Variants in GLI2 observed in about 807,000 individuals in gnomAD.
The protein encoded by GLI2 is transcription activator GLI2.
Under a neutral mutation model 78.9 loss-of-function variants are expected in GLI2, and 22 were observed. That is an observed-to-expected ratio of 0.28 (90% CI 0.20 to 0.40). The LOEUF (loss-of-function observed/expected upper bound fraction) is 0.40. Ranked by LOEUF, GLI2 falls within the 10% of genes least tolerant of loss-of-function variation. The probability of loss-of-function intolerance (pLI) is 1.00; values close to 1 mark genes in which losing one functional copy is unlikely to be tolerated. For missense variants in GLI2, 2,097 were observed against 2,213.2 expected (o/e 0.95, Z 1.05); for synonymous variants, 974 against 963.7 (o/e 1.01, Z -0.20).
At chr2:120,921,629 C>T (rs1679384830) in intron 2 of GLI2, among the ~76,000 whole-genome samples, 1 of 152,206 alleles carries the variant, frequency 6.6e-6, no homozygotes, top group Non-Finnish European at 1.5e-5. Context: ...CCCATGGCCA[C>T]CTAGCGGCAG....
rs115783898 is a variant in GLI2 at position 120,932,987 on chromosome 2, G to A, written c.254+5521G>A. ...TTTTGGCAACCAGGAGCAGCGGGGA[G>A]TGGTCAGATTTATTTTCAGGCAGCT... On this transcript the variant is annotated intron_variant, in intron 3 of 13. Transcript: ENST00000361492. Among the ~76,000 whole-genome samples the A allele has an allele frequency of 9.1e-3, 1,385 of 152,258 alleles. 22 individuals are homozygous for A. The highest frequency in any genetic ancestry group is 0.032 in the African/African-American group (1,326 of 41,536).
chr2:120,984,796 A>G, intron 12 of GLI2, 53 bp downstream of exon 12: 1 of 1,590,300 alleles, frequency 6.3e-7, no homozygotes, highest in East Asian at 2.2e-5. Flanking sequence ...AGCCGTGCCC[A>G]GGGCCACCCC....
chr2:120,826,036 G>C (rs939899565), intron 2 of GLI2, among the ~76,000 whole-genome samples: 4 of 152,232 alleles, frequency 2.6e-5, no homozygotes, highest in African/African-American at 9.6e-5. Context: ...GAGGCTGCCT[G>C]GTGACGGCCG....
At chr2:120,830,932 C>T (rs1686328050) in intron 2 of GLI2, among the ~76,000 whole-genome samples, 2 of 151,042 alleles carry the variant, frequency 1.3e-5, no homozygotes, top group Admixed American at 6.6e-5. Flanking sequence ...GTCTCTGTGT[C>T]TTCTGTCTCT....
rs759061834 is a variant in GLI2, at chr2:120,988,631, C to T, written c.2666C>T (p.Pro889Leu). 195 of 1,451,346 alleles carry T rather than the reference C, an allele frequency of 1.3e-4. No homozygotes were observed. Among genetic ancestry groups the T allele is most frequent in the Non-Finnish European group, 1.5e-4 (164 of 1,107,402 alleles). The allele number at this position is 1,451,346 out of a possible 1,614,324, so 89.9% of individuals were successfully genotyped here. A position where few individuals can be genotyped will look rare whatever the true frequency, so the allele number is the denominator to read the frequency against. Residue 889 changes from proline (P) to leucine (L), a missense_variant, in exon 14 of 14, where the codon CCG becomes CTG. Physicochemically the swap from Pro to Leu is moderately conservative, Grantham distance 98 (BLOSUM62 -3). Around this residue, in one of 5 missense-constraint regions of GLI2, gnomAD observed 1,290 missense variants for 1,261.7 expected, o/e 1.02. Coordinates refer to ENST00000361492, the MANE Select transcript of GLI2 (RefSeq NM_001374353.1). ...GGCGGCCCCCCGCCCACTCCGCTGC[C>T]GGGCCTGGAGCGCATGAGCCTGCGG... ...ATGGPPPTPL[P>L]GLERMSLRTR...
intron 2 of GLI2, among the ~76,000 whole-genome samples, chr2:120,896,634 C>CACAT (rs1278208616): frequency 1.4e-4 from 19 of 134,938 alleles, no homozygotes; most frequent in Admixed American, 7.5e-5. Flanking sequence ...TTGAAAAACA[C>CACAT]ACATACACAC....
chr2:120,806,747 T>G (rs1373182039), intron 2 of GLI2, among the ~76,000 whole-genome samples: 1 of 152,150 alleles, frequency 6.6e-6, no homozygotes, highest in Non-Finnish European at 1.5e-5. Context: ...GAGGCTCCAC[T>G]GAAGTCTCTT....
At chr2:120,772,062 G>A (rs2104658552) in intron 1 of GLI2, among the ~76,000 whole-genome samples, 2 of 152,286 alleles carry the variant, frequency 1.3e-5, no homozygotes, top group Middle Eastern at 6.8e-3. Context: ...CAGATGGAGG[G>A]GGATGCAGGG....
chr2:120,841,846 AGGGT>A (rs1437701774), intron 2 of GLI2, among the ~76,000 whole-genome samples: 3 of 77,082 alleles, frequency 3.9e-5, no homozygotes, highest in African/African-American at 2.1e-4. Context: ...GCCAGTCTGG[AGGGT>A]GTGTGTGTGT....
At chr2:120,863,340 A>G (rs1009461896) in intron 2 of GLI2, among the ~76,000 whole-genome samples, 5 of 152,208 alleles carry the variant, frequency 3.3e-5, no homozygotes, top group Admixed American at 3.3e-4. Context: ...TGCCTGACCC[A>G]GTCAGTGCTT....
At chr2:120,891,457 T>G (rs1044544359) in intron 2 of GLI2, among the ~76,000 whole-genome samples, 3 of 152,190 alleles carry the variant, frequency 2.0e-5, no homozygotes, top group African/African-American at 7.2e-5. Context: ...GTAATGTGGA[T>G]CAAACCAGTT....
At chr2:120,855,414 G>A (rs1479409052) in intron 2 of GLI2, among the ~76,000 whole-genome samples, 1 of 152,202 alleles carries the variant, frequency 6.6e-6, no homozygotes, top group Non-Finnish European at 1.5e-5. Flanking sequence ...TCTGCACAGT[G>A]CATTGTCCAT....
At chr2:120,883,182 T>C (rs1677237093) in intron 2 of GLI2, among the ~76,000 whole-genome samples, 1 of 152,214 alleles carries the variant, frequency 6.6e-6, no homozygotes, top group Admixed American at 6.5e-5. Context: ...TCTATGCTTT[T>C]ATCAAGCCTA....
chr2:120,990,065 G>T lies in GLI2; in HGVS notation c.4100G>T (p.Arg1367Leu), dbSNP rs763852684. 37 of 1,599,912 alleles carry T rather than the reference G, an allele frequency of 2.3e-5. No homozygotes were observed. Among genetic ancestry groups the T allele is most frequent in the Non-Finnish European group, 3.0e-5 (35 of 1,172,410 alleles). ...PLEPSPTGRH[R>L]GVRAVQQQLA... ...GAGCCCAGCCCCACTGGCCGCCACCGTGGGGTACGTGCTGTGCAGCAGCAG... is the reference window on the plus strand; with the variant it reads ...GAGCCCAGCCCCACTGGCCGCCACCTTGGGGTACGTGCTGTGCAGCAGCAG... The change falls in exon 14 of 14, where the codon CGT (arginine) becomes CTT (leucine). Residue 1367 changes from arginine to leucine, a missense_variant. Arg to Leu is a moderately radical substitution (Grantham distance 102). Coordinates refer to ENST00000361492, the MANE Select transcript of GLI2 (RefSeq NM_001374353.1).
At chr2:120,973,256 G>A (rs548613303) in intron 8 of GLI2, among the ~76,000 whole-genome samples, 2 of 152,346 alleles carry the variant, frequency 1.3e-5, no homozygotes, top group South Asian at 4.1e-4. Flanking sequence ...ACCATCATCG[G>A]GAGCCAATGA....
intron 1 of GLI2, among the ~76,000 whole-genome samples, chr2:120,766,441 G>T (rs558291403): frequency 1.3e-5 from 2 of 152,322 alleles, no homozygotes; most frequent in East Asian, 1.9e-4. Flanking sequence ...AGAGGATTGT[G>T]GGGGAAGCCC....
intron 1 of GLI2, among the ~76,000 whole-genome samples, chr2:120,743,757 CGGG>C (rs1190193580): frequency 6.6e-6 from 1 of 152,178 alleles, no homozygotes; most frequent in Non-Finnish European, 1.5e-5. Context: ...GGGAAGGGGG[CGGG>C]GCTTGGTAGA....
intron 2 of GLI2, among the ~76,000 whole-genome samples, chr2:120,805,072 G>A (rs962381526): frequency 1.3e-5 from 2 of 152,224 alleles, no homozygotes; most frequent in Admixed American, 6.5e-5. Flanking sequence ...ATGTGGGCAC[G>A]GAGGAAGTAA....
rs1208255632 is a variant in GLI2, at chr2:120,968,715, G to A, written c.645G>A (p.Val215=). The change falls in exon 6 of 14, where the codon GTG becomes GTA. Residue 215 remains valine (V), a splice_region_variant and synonymous_variant. Coordinates refer to ENST00000361492, the MANE Select transcript of GLI2 (RefSeq NM_001374353.1). The part of the protein sequence containing the change: ...HLHDYLNPVD[V]SRFSSPRVTP... Reference sequence around the variant, plus strand: ...TGTCTTGTGTTGACTATCCCACAGTGTCCCGTTTCTCCAGCCCGCGGGTGA... The same window carrying A: ...TGTCTTGTGTTGACTATCCCACAGTATCCCGTTTCTCCAGCCCGCGGGTGA... The A allele has an allele frequency of 1.2e-6, 2 of 1,611,770 alleles. No homozygotes were observed. Among genetic ancestry groups the A allele is most frequent in the Non-Finnish European group, 1.7e-6 (2 of 1,178,528 alleles).
Sources: allele counts gnomAD v4.1 joint callset (sites outside exome capture counted in the v4.1 genomes callset), GRCh38; gene constraint gnomAD v4.1.1; regional missense constraint gnomAD v4.1.1; transcripts MANE v1.5; gene names NCBI Gene and HGNC (gene_info 2026-07-23, HGNC 2026-07-21).